The following OTUD7A variants were observed in gnomAD, a reference collection of about 807,000 sequenced individuals.
The protein encoded by OTUD7A is OTU deubiquitinase 7A, also known as OTU domain-containing protein 7A.
OTUD7A carries 12 observed loss-of-function variants against 65.7 expected under a neutral mutation model. The ratio of observed to expected loss-of-function variants is 0.18; its 90% CI spans 0.12 to 0.30. The LOEUF (loss-of-function observed/expected upper bound fraction) is 0.30. Ranked by LOEUF, OTUD7A falls within the 10% of genes least tolerant of loss-of-function variation. The pLI is 1.00. For missense variants in OTUD7A, 1,148 were observed against 1,304.8 expected, an observed-to-expected ratio of 0.88 and a Z score of 1.85; for synonymous variants, 641 against 586.3, an observed-to-expected ratio of 1.09 and a Z score of -1.35.
chr15:31,666,528 T>A (rs1315104072), intron 1 of OTUD7A, among the ~76,000 whole-genome samples: 1 of 152,206 alleles, frequency 6.6e-6, no homozygotes, highest in Non-Finnish European at 1.5e-5. Context: ...TTCTCTCTTC[T>A]TTTCTTAGTT....
chr15:31,828,956 G>T (rs1332890855), intron 1 of OTUD7A, among the ~76,000 whole-genome samples: 1 of 152,120 alleles, frequency 6.6e-6, no homozygotes, highest in Non-Finnish European at 1.5e-5. Flanking sequence ...CATTGAACTG[G>T]CTCTATCCAA....
At chr15:31,521,288 A>T (rs1435064435) in intron 8 of OTUD7A, among the ~76,000 whole-genome samples, 1 of 152,232 alleles carries the variant, frequency 6.6e-6, no homozygotes, top group African/African-American at 2.4e-5. Flanking sequence ...ATAAAATAAT[A>T]AAAAACTCTC....
At chr15:31,700,236 G>A (rs1893183022) in intron 1 of OTUD7A, among the ~76,000 whole-genome samples, 1 of 150,756 alleles carries the variant, frequency 6.6e-6, no homozygotes, top group African/African-American at 2.4e-5. Context: ...CTTTGTGCTT[G>A]GCTTGGCTCT....
intron 1 of OTUD7A, among the ~76,000 whole-genome samples, chr15:31,782,439 A>T (rs1315356353): frequency 6.6e-6 from 1 of 152,236 alleles, no homozygotes; most frequent in East Asian, 1.9e-4. Flanking sequence ...AACTGAGGTC[A>T]GAAAGCCAAG....
intron 1 of OTUD7A, among the ~76,000 whole-genome samples, chr15:31,774,212 GCAGCA>G (rs2140917097): frequency 6.6e-6 from 1 of 152,316 alleles, no homozygotes; most frequent in South Asian, 2.1e-4. Context: ...CCATGGGACA[GCAGCA>G]AATTCTGACG....
At position 31,858,703 on chromosome 15, in the gene OTUD7A, A is replaced by G. The variant is rs1262862937; in HGVS notation, c.-100+11804T>C. ...GTTCCCCGTCTTGCCTCACATCCCC[A>G]TCCCACTGCACACCACCAACCCGGC... On this transcript the variant is annotated intron_variant, in intron 1 of 12. Transcript: ENST00000307050. Among the ~76,000 whole-genome samples the G allele has an allele frequency of 2.6e-5, 4 of 152,224 alleles. No homozygotes were observed. The South Asian group carries it at 8.3e-4, about 31-fold the overall frequency.
At chr15:31,861,564 G>T (rs1897742563) in intron 1 of OTUD7A, among the ~76,000 whole-genome samples, 1 of 152,118 alleles carries the variant, frequency 6.6e-6, no homozygotes, top group Non-Finnish European at 1.5e-5. Context: ...TGTCCCAACT[G>T]GTTGCATGCC....
chr15:31,841,812 A>G (rs1310279386), intron 1 of OTUD7A, among the ~76,000 whole-genome samples: 1 of 152,180 alleles, frequency 6.6e-6, no homozygotes, highest in Non-Finnish European at 1.5e-5. Flanking sequence ...TGCTGGAAAG[A>G]GTATTTTTGG....
rs367601135 is a variant in OTUD7A, at chr15:31,484,095, G to C, written c.2001C>G (p.Ser667Arg). 3 of 1,601,586 alleles carry C rather than the reference G, an allele frequency of 1.9e-6. No individual in the cohort carries two copies. The highest frequency in any genetic ancestry group is 1.7e-6 in the Non-Finnish European group (2 of 1,178,720). ...GCTCGGCGCTGAAGCGCTCCTGCGC[G>C]CTCGTCAGGTAGTAGCCGATCATCT... is the stretch of plus-strand genomic sequence containing the variant. The part of the protein sequence containing the change: ...HEEMIGYYLT[S>R]AQERFSAEQE... The change falls in exon 13 of 13, where the codon AGC becomes AGG. Residue 667 changes from serine (S) to arginine (R), a missense_variant. By Grantham distance (110) the Ser-to-Arg change is moderately radical. This residue lies in a region of OTUD7A where 842 missense variants were observed against 769.5 expected (regional missense o/e 1.09). Transcript: ENST00000307050. This position sits in a 1 kb window ranked among gnomAD's most constrained non-coding sequence, Gnocchi z 4.5.
chr15:31,503,383 T>C (rs7181223), intron 9 of OTUD7A, among the ~76,000 whole-genome samples: 16,540 of 152,128 alleles, frequency 0.11, 2,403 homozygotes, highest in African/African-American at 0.34. Flanking sequence ...CCCAGGGCTG[T>C]TGGAGGGGTG....
At chr15:31,730,081 G>A (rs1197541458) in intron 1 of OTUD7A, among the ~76,000 whole-genome samples, 1 of 152,142 alleles carries the variant, frequency 6.6e-6, no homozygotes. Context: ...CCTCATGAAT[G>A]GAATTCGTGC....
At chr15:31,490,912 T>C (rs985100877) in intron 10 of OTUD7A, among the ~76,000 whole-genome samples, 5 of 152,184 alleles carry the variant, frequency 3.3e-5, no homozygotes, top group Non-Finnish European at 4.4e-5. Context: ...TAAGCATCTG[T>C]CTTAGGCAGG....
intron 8 of OTUD7A, among the ~76,000 whole-genome samples, chr15:31,522,746 C>A (rs2041955063): frequency 6.6e-6 from 1 of 152,200 alleles, no homozygotes. Flanking sequence ...GGGGCCTGGC[C>A]ACTGTGAGTC....
chr15:31,488,326 G>A (rs761724745), intron 10 of OTUD7A, among the ~76,000 whole-genome samples: 1 of 152,160 alleles, frequency 6.6e-6, no homozygotes, highest in Non-Finnish European at 1.5e-5. Context: ...CTCACCACCC[G>A]TGGGAAATCC....
intron 1 of OTUD7A, chr15:31,766,096 G>C: frequency 6.9e-7 from 1 of 1,454,966 alleles, no homozygotes; most frequent in Non-Finnish European, 9.6e-7. Context: ...TAGTCAAGAT[G>C]TTTTTCCACT....
chr15:31,685,763 C>T (rs562713407), intron 1 of OTUD7A, among the ~76,000 whole-genome samples: 13 of 152,344 alleles, frequency 8.5e-5, no homozygotes, highest in African/African-American at 2.2e-4. Flanking sequence ...TGGCAACAGA[C>T]GACTTTGCCT....
chr15:31,666,028 T>A (rs1892311069), intron 1 of OTUD7A, among the ~76,000 whole-genome samples: 1 of 152,034 alleles, frequency 6.6e-6, no homozygotes, highest in African/African-American at 2.4e-5. Flanking sequence ...GGTGGATTTT[T>A]TTTTTTGATA....
chr15:31,648,663 C>T (rs1436788867), intron 3 of OTUD7A, among the ~76,000 whole-genome samples: 1 of 152,202 alleles, frequency 6.6e-6, no homozygotes, highest in East Asian at 1.9e-4. Flanking sequence ...CACCCCACAT[C>T]TGGTTCAAGA....
At chr15:31,627,291 C>G (rs1890990700) in intron 3 of OTUD7A, among the ~76,000 whole-genome samples, 1 of 132,812 alleles carries the variant, frequency 7.5e-6, no homozygotes, top group Non-Finnish European at 1.6e-5. Flanking sequence ...CTTCCTGTGT[C>G]CATGTGTTCT....
Sources: allele counts gnomAD v4.1 joint callset (sites outside exome capture counted in the v4.1 genomes callset), GRCh38; gene constraint gnomAD v4.1.1; regional missense constraint gnomAD v4.1.1; non-coding constraint Gnocchi (gnomAD v3.1); transcripts MANE v1.5; gene names NCBI Gene and HGNC (gene_info 2026-07-23, HGNC 2026-07-21).